The following AOPEP variants were observed in gnomAD, a reference collection of about 807,000 sequenced individuals.
AOPEP encodes aminopeptidase O.
In AOPEP, 77 loss-of-function variants were observed where a neutral mutation model predicts 98.1. The ratio of observed to expected loss-of-function variants is 0.78; its 90% CI spans 0.65 to 0.95. The LOEUF (loss-of-function observed/expected upper bound fraction) is 0.95. Ranked by LOEUF, AOPEP falls within the 40% of genes least tolerant of loss-of-function variation. The pLI is 0.00. For synonymous variants in AOPEP, 346 were observed against 365.3 expected (o/e 0.95, Z 0.60); for missense variants, 1,024 against 1,024.7 (o/e 1.00, Z 0.01).
intron 14 of AOPEP, among the ~76,000 whole-genome samples, chr9:95,071,493 A>G (rs10217737): frequency 0.023 from 3,458 of 152,300 alleles, 57 homozygotes; most frequent in Middle Eastern, 0.078. Flanking sequence ...ATGTTTAAAA[A>G]TAAAGCAAGG....
At chr9:94,925,232 G>A (rs1484237550) in intron 6 of AOPEP, among the ~76,000 whole-genome samples, 1 of 152,134 alleles carries the variant, frequency 6.6e-6, no homozygotes, top group Non-Finnish European at 1.5e-5. Context: ...CTCGTGATCC[G>A]CCCACCTTGG....
chr9:94,890,038 T>C lies in AOPEP; in HGVS notation c.1365-33948T>C, dbSNP rs570173828. ...TTGTATTACTTGATTTTTTTTTTTTTTTTTGATACAGAGTCTCACTCTGTC... is the reference window on the plus strand; with the variant it reads ...TTGTATTACTTGATTTTTTTTTTTTCTTTTGATACAGAGTCTCACTCTGTC... On this transcript the variant is annotated intron_variant, in intron 5 of 16. Coordinates refer to ENST00000375315, the MANE Select transcript of AOPEP (RefSeq NM_001193329.3). Among the ~76,000 whole-genome samples, 3 of 151,922 alleles carry C rather than the reference T, an allele frequency of 2.0e-5. No homozygotes were observed. In the South Asian group the frequency reaches 6.2e-4, roughly 32 times the overall value.
At chr9:94,852,861 C>T (rs2043726464) in intron 5 of AOPEP, among the ~76,000 whole-genome samples, 1 of 152,162 alleles carries the variant, frequency 6.6e-6, no homozygotes, top group Non-Finnish European at 1.5e-5. Flanking sequence ...GAGTGCAGTT[C>T]ACCTCAGCTG....
At chr9:95,114,631 A>T in the AOPEP span, 1 of 1,613,788 alleles carries the variant, frequency 6.2e-7, no homozygotes. Context: ...TTGCTCACCC[A>T]TGAGTCTGGT....
Position 95,060,780 on chromosome 9 carries a change from G to A in AOPEP, c.2202G>A (p.Arg734=). 2 of 1,613,334 alleles carry A rather than the reference G, an allele frequency of 1.2e-6. No homozygotes were observed. The highest frequency in any genetic ancestry group is 1.7e-6 in the Non-Finnish European group (2 of 1,179,284). The stretch of plus-strand genomic sequence containing the variant: ...CCCGAACTCTGCAAAGCCTCCAGAG[G>A]ACATACCACCTCCAGGATCAGGATG... ...LSPRTLQSLQ[R]TYHLQDQDAE... is the part of the protein sequence containing the mutation. Residue 734 remains arginine (R), a synonymous_variant, in exon 14 of 17, where the codon AGG becomes AGA. Transcript: ENST00000375315.
chr9:94,788,492 G>GT lies in AOPEP; in HGVS notation c.965-4261dup, dbSNP rs1272294199. 9.2e-3 allele frequency among the ~76,000 whole-genome samples: 1,306 copies of GT among 142,486 alleles called. 20 individuals are homozygous for GT. The highest frequency in any genetic ancestry group is 0.028 in the African/African-American group (1,110 of 39,326). The allele number at this position is 142,486 out of a possible 152,430, so 93.5% of individuals were successfully genotyped here. ...GGAATTAATAATTGTCTTATGCTTT[G>GT]TTTTTTTTTTTTCCCATTTGCTTGT... On this transcript the variant is annotated intron_variant, in intron 3 of 16. Coordinates refer to ENST00000375315, the MANE Select transcript of AOPEP (RefSeq NM_001193329.3).
rs915937371 is a variant in AOPEP, at chr9:94,871,397, G to C, written c.1365-52589G>C. 2.6e-5 allele frequency among the ~76,000 whole-genome samples: 4 copies of C among 152,300 alleles called. No homozygotes were observed. In the South Asian group the frequency reaches 8.3e-4, roughly 32 times the overall value. On this transcript the variant is annotated intron_variant, in intron 5 of 16. Coordinates refer to ENST00000375315, the MANE Select transcript of AOPEP (RefSeq NM_001193329.3). ...TGCGGGACATACCACCCTGCGTAAT[G>C]GTGGCTGATTTTAATCTTCTTGGCC...
chr9:95,115,267 T>C, the AOPEP span, among the ~76,000 whole-genome samples: 2 of 152,210 alleles, frequency 1.3e-5, no homozygotes, highest in Admixed American at 1.3e-4. Context: ...TTCAGGTACA[T>C]GGAAGTAGCT....
chr9:95,111,753 G>A, the AOPEP span: 1 of 1,156,918 alleles, frequency 8.6e-7, no homozygotes, highest in Non-Finnish European at 1.3e-6. Context: ...ATCCACTGAA[G>A]TGCAACCTGC....
chr9:95,098,303 A>C, the AOPEP span, among the ~76,000 whole-genome samples: 1 of 151,694 alleles, frequency 6.6e-6, no homozygotes, highest in Non-Finnish European at 1.5e-5. Context: ...TCAACAGAAA[A>C]CTCGGCTTCC....
intron 5 of AOPEP, among the ~76,000 whole-genome samples, chr9:94,818,675 A>AT (rs1852238719): frequency 6.6e-6 from 1 of 152,202 alleles, no homozygotes; most frequent in South Asian, 2.1e-4. Flanking sequence ...CTCAAAATGT[A>AT]TTTTTTAGTT....
chr9:95,107,050 C>T, the AOPEP span: 3 of 1,613,908 alleles, frequency 1.9e-6, no homozygotes, highest in Admixed American at 1.7e-5. Context: ...GGATGCTGGA[C>T]CACAGGGAGA....
intron 1 of AOPEP, among the ~76,000 whole-genome samples, chr9:94,753,531 C>A (rs1421718052): frequency 6.6e-6 from 1 of 151,328 alleles, no homozygotes; most frequent in African/African-American, 2.4e-5. Context: ...TAGAAAAATT[C>A]AATAAAAAGC....
At position 95,082,665 on chromosome 9, in the gene AOPEP, G is replaced by C. The variant is rs757421700; in HGVS notation, c.2410G>C (p.Glu804Gln). The C allele has an allele frequency of 6.2e-7, 1 of 1,614,230 alleles. No individual in the cohort carries two copies. The highest frequency in any genetic ancestry group is 1.3e-5 in the African/African-American group (1 of 75,062). Residue 804 changes from glutamate to glutamine, a missense_variant, in exon 16 of 17, where the codon GAG becomes CAG. Transcript: ENST00000375315. ...CCGTAGGTGCTTCGAGCGGACCAAG[G>C]AGCAGATGGATAGGTCCTCAGCCCA... The part of the protein sequence containing the change: ...LARRCFERTK[E>Q]QMDRSSAQVV...
At chr9:94,829,856 C>T (rs1030040301) in intron 5 of AOPEP, among the ~76,000 whole-genome samples, 4 of 152,046 alleles carry the variant, frequency 2.6e-5, no homozygotes, top group African/African-American at 4.8e-5. Flanking sequence ...TACCATCTGA[C>T]GTCATGACTA....
the AOPEP span, among the ~76,000 whole-genome samples, chr9:95,107,732 C>T: frequency 2.0e-5 from 3 of 151,938 alleles, no homozygotes; most frequent in Non-Finnish European, 4.4e-5. Context: ...GGCGGGGGGT[C>T]GGGGGGAACA....
chr9:94,955,470 G>A (rs2058387747), intron 8 of AOPEP, among the ~76,000 whole-genome samples, 191 bp downstream of exon 8: 1 of 152,200 alleles, frequency 6.6e-6, no homozygotes, highest in Admixed American at 6.5e-5. Flanking sequence ...AGGAAAGACT[G>A]AATGAACAAA....
intron 13 of AOPEP, among the ~76,000 whole-genome samples, chr9:95,034,554 T>G (rs2064607983): frequency 1.3e-5 from 2 of 152,228 alleles, no homozygotes; most frequent in African/African-American, 4.8e-5. Flanking sequence ...AAAGGAGAGA[T>G]AATCATGAAA....
At chr9:95,106,968 T>C in the AOPEP span, 3 of 1,183,914 alleles carry the variant, frequency 2.5e-6, no homozygotes, top group Non-Finnish European at 3.7e-6. Context: ...AGCATCCTGG[T>C]ACACACACTG....
Sources: allele counts gnomAD v4.1 joint callset (sites outside exome capture counted in the v4.1 genomes callset), GRCh38; gene constraint gnomAD v4.1.1; transcripts MANE v1.5; gene names NCBI Gene and HGNC (gene_info 2026-07-23, HGNC 2026-07-21).